Variants in CHI3L2 observed in about 807,000 individuals in gnomAD.
The protein encoded by CHI3L2 is chitinase 3 like 2, also known as chitinase-3-like protein 2.
In CHI3L2, 47 loss-of-function variants were observed where a neutral mutation model predicts 47.3. The ratio of observed to expected loss-of-function variants is 0.99; its 90% confidence interval spans 0.79 to 1.27. The LOEUF (loss-of-function observed/expected upper bound fraction) is 1.27. Among genes scored for constraint, CHI3L2 ranks in the 50% most tolerant of loss-of-function variants. The probability of loss-of-function intolerance (pLI) is 0.00; values close to 1 mark genes in which losing one functional copy is unlikely to be tolerated. For synonymous variants in CHI3L2, 198 were observed against 169.9 expected (o/e 1.17, Z -1.28); for missense variants, 497 against 462.1 (o/e 1.08, Z -0.69).
intron 4 of CHI3L2, 52 bp from the exon 5 acceptor site, chr1:111,234,855 T>G (rs1291809997): frequency 6.5e-7 from 1 of 1,546,250 alleles, no homozygotes; most frequent in African/African-American, 1.4e-5. Context: ...TGTGTTACAC[T>G]ACAAGTGTTA....
At chr1:111,233,146 G>A (rs1224154169) in intron 4 of CHI3L2, among the ~76,000 whole-genome samples, 1 of 152,190 alleles carries the variant, frequency 6.6e-6, no homozygotes, top group East Asian at 1.9e-4. Context: ...GTGGGCATCT[G>A]AGAATCAACT....
At chr1:111,231,209 T>C (rs758548490) in intron 3 of CHI3L2, 29 bp from the exon 4 acceptor site, 6 of 1,574,898 alleles carry the variant, frequency 3.8e-6, no homozygotes, top group Non-Finnish European at 5.2e-6. Flanking sequence ...AGCCAGAAAA[T>C]AAATAATCAT....
intron 5 of CHI3L2, 90 bp downstream of exon 5, chr1:111,235,147 C>T: frequency 7.3e-7 from 1 of 1,367,694 alleles, no homozygotes; most frequent in South Asian, 1.3e-5. Flanking sequence ...CATTGGGAGA[C>T]AAAAAGGAGG....
chr1:111,235,684 G>A lies in CHI3L2; in HGVS notation c.526G>A (p.Glu176Lys), dbSNP rs751231137. 1 of 1,614,180 alleles carries A rather than the reference G, an allele frequency of 6.2e-7. No individual in the cohort carries two copies. The highest frequency in any genetic ancestry group is 1.1e-5 in the South Asian group (1 of 91,074). ...FQKDFTKSTKERLLLTAGVSA... is the reference protein window; with the variant it reads ...FQKDFTKSTKKRLLLTAGVSA... ...GAAGGACTTCACAAAATCCACCAAG[G>A]AAAGGCTTCTCTTGACTGCGGGCGT... The change falls in exon 6 of 11, where the codon GAA becomes AAA. Residue 176 changes from glutamate to lysine, a missense_variant. By Grantham distance (56) the Glu-to-Lys change is moderately conservative. Coordinates refer to ENST00000369748, the MANE Select transcript of CHI3L2 (RefSeq NM_004000.3).
At chr1:111,228,773 G>A (rs1438814239) in intron 1 of CHI3L2, among the ~76,000 whole-genome samples, 1 of 152,206 alleles carries the variant, frequency 6.6e-6, no homozygotes, top group Admixed American at 6.5e-5. Context: ...ACCCGTAAAG[G>A]TTTCAGAGTG....
rs180932682 is a variant in CHI3L2, at chr1:111,242,944, G to A, written c.*3-273G>A. On this transcript the variant is annotated intron_variant, in intron 10 of 10. Coordinates refer to ENST00000369748, the MANE Select transcript of CHI3L2 (RefSeq NM_004000.3). ...CCCTAGGTGCGTTGTATATCCTCCT[G>A]TGCAGATGAAGGCTGTTGCTGACCA... Among the ~76,000 whole-genome samples, 29 of 152,282 alleles carry A rather than the reference G, an allele frequency of 1.9e-4. 1 individual carries two copies. In the East Asian group the frequency reaches 5.6e-3, roughly 29 times the overall value.
In CHI3L2 at chr1:111,234,970, T is replaced by C. The variant is rs1226845804; in HGVS notation, c.393T>C (p.Phe131=). 6.2e-7 allele frequency: 1 copy of C among 1,614,164 alleles called. No homozygotes were observed. The highest frequency in any genetic ancestry group is 1.7e-5 in the Admixed American group (1 of 60,022). Residue 131 remains phenylalanine, a synonymous_variant, in exon 5 of 11, where the codon TTT becomes TTC. Coordinates refer to ENST00000369748, the MANE Select transcript of CHI3L2 (RefSeq NM_004000.3). ...RLEFINSIIL[F]LRNHNFDGLD... Reference sequence around the variant, plus strand: ...AATTCATTAACTCCATAATCCTGTTTCTGAGGAACCATAACTTTGATGGAC... The same window carrying C: ...AATTCATTAACTCCATAATCCTGTTCCTGAGGAACCATAACTTTGATGGAC...
intron 1 of CHI3L2, among the ~76,000 whole-genome samples, chr1:111,229,449 G>C (rs997312117): frequency 6.6e-6 from 1 of 151,796 alleles, no homozygotes; most frequent in Admixed American, 6.6e-5. Context: ...TTGGGAGGCC[G>C]AGGCGGGCGG....
rs148268938 is a variant in CHI3L2, at chr1:111,231,131, G to A, written c.273-107G>A. 3 of 1,077,950 alleles carry A rather than the reference G, an allele frequency of 2.8e-6. No homozygotes were observed. The South Asian group carries it at 4.0e-5, about 15-fold the overall frequency. The allele number at this position is 1,077,950 out of a possible 1,614,324, so 66.8% of individuals were successfully genotyped here. A position where few individuals can be genotyped will look rare whatever the true frequency, so the allele number is the denominator to read the frequency against. ...ACTGAACTTCACTTTAGTTCAAACA[G>A]CCAGGCCCTAATTGTCCATTTTCTC... On this transcript the variant is annotated intron_variant, in intron 3 of 10. Coordinates refer to ENST00000369748, the MANE Select transcript of CHI3L2 (RefSeq NM_004000.3).
At chr1:111,238,638 T>C in intron 7 of CHI3L2, 112 bp from the exon 8 acceptor site, 1 of 1,088,506 alleles carries the variant, frequency 9.2e-7, no homozygotes, top group Non-Finnish European at 1.4e-6. Context: ...CACACTCGGA[T>C]GTAGAAAAGA....
In CHI3L2 at chr1:111,238,749, G is replaced by A; in HGVS notation, c.736-1G>A. The A allele has an allele frequency of 6.2e-7, 1 of 1,613,498 alleles. No individual in the cohort carries two copies. Among genetic ancestry groups the A allele is most frequent in the Non-Finnish European group, 8.5e-7 (1 of 1,179,740 alleles). ...AGCCTCCATCTCTCTTCCCATTCTAGGAATATGCTGTGGGGTACTGGATAC... is the reference window on the plus strand; with the variant it reads ...AGCCTCCATCTCTCTTCCCATTCTAAGAATATGCTGTGGGGTACTGGATAC... On this transcript the variant is annotated splice_acceptor_variant, in intron 7 of 10. Transcript: ENST00000369748. LOFTEE classifies it high-confidence loss of function.
rs1659880082 is a variant in CHI3L2, at chr1:111,236,115, G to A, written c.697G>A (p.Gly233Arg). The A allele has an allele frequency of 6.2e-7, 1 of 1,614,098 alleles. No individual in the cohort carries two copies. The highest frequency in any genetic ancestry group is 8.5e-7 in the Non-Finnish European group (1 of 1,180,042). ...ITGHNSPLSK[G>R]WQDRGPSSYY... ...TGGCCACAACAGCCCTCTGAGCAAG[G>A]GGTGGCAGGACAGAGGGCCAAGCTC... Residue 233 changes from glycine (G) to arginine (R), a missense_variant, in exon 7 of 11, where the codon GGG becomes AGG. Coordinates refer to ENST00000369748, the MANE Select transcript of CHI3L2 (RefSeq NM_004000.3).
chr1:111,236,284 C>T, intron 7 of CHI3L2, 131 bp downstream of exon 7: 1 of 969,518 alleles, frequency 1.0e-6, no homozygotes, highest in South Asian at 1.7e-5. Context: ...TGGGTAGCCC[C>T]AGGAGCAAGT....
At position 111,243,332 on chromosome 1, in the gene CHI3L2, C is replaced by T; in HGVS notation, c.*118C>T. Reference sequence around the variant, plus strand: ...CTGGCCTTTGGATCTCTCTTCCAAGCCTTTCCTGACTTCCTCTTAGATCAT... The same window carrying T: ...CTGGCCTTTGGATCTCTCTTCCAAGTCTTTCCTGACTTCCTCTTAGATCAT... On this transcript the variant is annotated 3_prime_UTR_variant, in exon 11 of 11. Transcript: ENST00000369748. 4.5e-6 allele frequency: 2 copies of T among 443,058 alleles called. No individual in the cohort carries two copies. Among genetic ancestry groups the T allele is most frequent in the Non-Finnish European group, 9.1e-6 (2 of 219,926 alleles). The allele number at this position is 443,058 out of a possible 1,614,324, so 27.4% of individuals were successfully genotyped here.
Position 111,241,442 on chromosome 1 carries a change from A to G in CHI3L2, c.1034A>G (p.Lys345Arg). The G allele has an allele frequency of 6.6e-7, 1 of 1,524,076 alleles. No homozygotes were observed. 94.4% of individuals were successfully genotyped at this position (1,524,076 alleles called of 1,614,324 possible). The change falls in exon 9 of 11, where the codon AAG becomes AGG. Residue 345 changes from lysine to arginine, a missense_variant and splice_region_variant. Transcript: ENST00000369748. ...GYDDVKSMETKVQFLKNLNLG... is the reference protein window; with the variant it reads ...GYDDVKSMETRVQFLKNLNLG... The stretch of plus-strand genomic sequence containing the variant: ...GATGATGTGAAGAGTATGGAGACCA[A>G]GGTAGGTGGGCCACAGGCAGATACT...
At chr1:111,241,652 A>G (rs1660062006) in intron 9 of CHI3L2, among the ~76,000 whole-genome samples, 1 of 152,204 alleles carries the variant, frequency 6.6e-6, no homozygotes, top group East Asian at 1.9e-4. Flanking sequence ...AAAGGACGCA[A>G]AAAAGAATTG....
Position 111,241,430 on chromosome 1 carries a change from G to A in CHI3L2, c.1022G>A (p.Ser341Asn). ...TGGGTGGGCTATGATGATGTGAAGA[G>A]TATGGAGACCAAGGTAGGTGGGCCA... is the stretch of plus-strand genomic sequence containing the variant. The part of the protein sequence containing the change: ...NQWVGYDDVK[S>N]METKVQFLKN... The change falls in exon 9 of 11, where the codon AGT (serine) becomes AAT (asparagine). Residue 341 changes from serine (S) to asparagine (N), a missense_variant. By Grantham distance (46) the Ser-to-Asn change is conservative. Transcript: ENST00000369748. 6.3e-7 allele frequency: 1 copy of A among 1,582,726 alleles called. No individual in the cohort carries two copies. The highest frequency in any genetic ancestry group is 8.7e-7 in the Non-Finnish European group (1 of 1,151,262).
intron 1 of CHI3L2, 159 bp from the exon 2 acceptor site, chr1:111,229,681 CAAAAAAAAAAAA>C (rs997929124): frequency 6.1e-5 from 24 of 390,906 alleles, no homozygotes; most frequent in East Asian, 5.5e-4. Flanking sequence ...GACTCCGTCT[CAAAAAAAAAAAA>C]AAAAAAAAAA....
Position 111,236,114 on chromosome 1 carries a change from G to A in CHI3L2, c.696G>A (p.Lys232=), listed in dbSNP as rs1659879980. The A allele has an allele frequency of 4.3e-6, 7 of 1,614,232 alleles. No individual in the cohort carries two copies. Among genetic ancestry groups the A allele is most frequent in the Non-Finnish European group, 5.9e-6 (7 of 1,180,036 alleles). The part of the protein sequence containing the change: ...LITGHNSPLS[K]GWQDRGPSSY... The stretch of plus-strand genomic sequence containing the variant: ...CTGGCCACAACAGCCCTCTGAGCAA[G>A]GGGTGGCAGGACAGAGGGCCAAGCT... Residue 232 remains lysine (K), a synonymous_variant, in exon 7 of 11, where the codon AAG becomes AAA. Transcript: ENST00000369748.
Sources: gnomAD v4.1 joint callset for allele counts (sites outside exome capture counted in the v4.1 genomes callset) on GRCh38, gnomAD v4.1.1 for gene constraint, MANE v1.5 for transcripts, NCBI Gene and HGNC (gene_info 2026-07-23, HGNC 2026-07-21) for gene names.